The following EMCN variants were observed in gnomAD, a reference collection of about 807,000 sequenced individuals.
The protein encoded by EMCN is endomucin.
EMCN carries 37 observed loss-of-function variants against 38.4 expected under a neutral mutation model. That is an observed-to-expected ratio of 0.96 (90% CI 0.74 to 1.27). The LOEUF is 1.27. Ranked by LOEUF, EMCN falls within the 50% of genes most tolerant of loss-of-function variation. The pLI is 0.00. For missense variants in EMCN, 318 were observed against 302.8 expected (o/e 1.05, Z -0.37); for synonymous variants, 95 against 100.8 (o/e 0.94, Z 0.35).
chr4:100,499,139 T>C (rs1729285666), intron 1 of EMCN, among the ~76,000 whole-genome samples: 1 of 152,194 alleles, frequency 6.6e-6, no homozygotes, highest in Non-Finnish European at 1.5e-5. Context: ...GATTATTCCA[T>C]TTACTAATGT....
At chr4:100,421,398 T>C (rs1726883777) in intron 7 of EMCN, 21 bp from the exon 8 acceptor site, 2 of 1,591,728 alleles carry the variant, frequency 1.3e-6, no homozygotes, top group Non-Finnish European at 1.7e-6. Context: ...TTGGAGACAT[T>C]GTCAATTAGA....
chr4:100,486,034 GTTT>G (rs913147050), intron 1 of EMCN, among the ~76,000 whole-genome samples: 9 of 152,082 alleles, frequency 5.9e-5, no homozygotes. Flanking sequence ...TAACTTAAAA[GTTT>G]TTTTCTGATG....
intron 2 of EMCN, among the ~76,000 whole-genome samples, chr4:100,475,335 A>ACACACACACACACACT (rs1553930950): frequency 6.6e-6 from 1 of 150,548 alleles, no homozygotes; most frequent in African/African-American, 2.4e-5. Flanking sequence ...ACACACACAC[A>ACACACACACACACACT]TTTTTCATAA....
At chr4:100,425,029 G>A (rs1727004779) in intron 5 of EMCN, among the ~76,000 whole-genome samples, 2 of 151,980 alleles carry the variant, frequency 1.3e-5, no homozygotes, top group Non-Finnish European at 2.9e-5. Context: ...CCATGGATAG[G>A]CCAAAATGTT....
At chr4:100,427,729 T>C (rs1392112591) in intron 5 of EMCN, among the ~76,000 whole-genome samples, 1 of 152,136 alleles carries the variant, frequency 6.6e-6, no homozygotes, top group Non-Finnish European at 1.5e-5. Context: ...CCTCAACTTA[T>C]ACTTCCATCC....
chr4:100,463,364 C>T (rs890323605), intron 4 of EMCN, among the ~76,000 whole-genome samples: 20 of 152,218 alleles, frequency 1.3e-4, no homozygotes, highest in Middle Eastern at 6.8e-3. Context: ...TACTAAACTT[C>T]GCACCTTCAA....
chr4:100,418,451 T>C (rs1451460109), intron 8 of EMCN, among the ~76,000 whole-genome samples: 2 of 152,136 alleles, frequency 1.3e-5, no homozygotes, highest in African/African-American at 2.4e-5. Context: ...AGTTTATTAT[T>C]GACTATAGTC....
chr4:100,467,542 C>T (rs1388663869), intron 3 of EMCN, among the ~76,000 whole-genome samples: 10 of 151,650 alleles, frequency 6.6e-5, no homozygotes, highest in African/African-American at 2.2e-4. Flanking sequence ...ATTAGCCGGG[C>T]GTGGTGGTGG....
intron 3 of EMCN, 90 bp downstream of exon 3, chr4:100,474,948 A>T (rs1728593766): frequency 1.8e-6 from 1 of 548,836 alleles, no homozygotes; most frequent in Admixed American, 3.8e-5. Context: ...AATACTAAAA[A>T]CTTCTGAATT....
At chr4:100,427,054 T>C (rs1727067061) in intron 5 of EMCN, among the ~76,000 whole-genome samples, 1 of 152,134 alleles carries the variant, frequency 6.6e-6, no homozygotes, top group Non-Finnish European at 1.5e-5. Context: ...ACGCCTGTAA[T>C]CCCAGCACTT....
At chr4:100,445,346 A>G (rs1454605584) in intron 5 of EMCN, among the ~76,000 whole-genome samples, 1 of 152,118 alleles carries the variant, frequency 6.6e-6, no homozygotes, top group African/African-American at 2.4e-5. Context: ...CTTATTTTTA[A>G]TCTCCCAAAA....
intron 1 of EMCN, among the ~76,000 whole-genome samples, chr4:100,500,276 A>G (rs867211296): frequency 6.6e-6 from 1 of 152,174 alleles, no homozygotes; most frequent in African/African-American, 2.4e-5. Flanking sequence ...AAGACTTTTA[A>G]TAGATTCCCT....
chr4:100,411,678 C>G (rs578174402), intron 10 of EMCN, among the ~76,000 whole-genome samples: 1 of 151,902 alleles, frequency 6.6e-6, no homozygotes, highest in Non-Finnish European at 1.5e-5. Flanking sequence ...TTTTTATTCT[C>G]TATTTTTTTC....
intron 1 of EMCN, among the ~76,000 whole-genome samples, chr4:100,492,590 G>C (rs959179801): frequency 3.3e-5 from 5 of 152,022 alleles, no homozygotes; most frequent in Non-Finnish European, 7.4e-5. Context: ...CCAAATATGA[G>C]TTCACCAAGA....
intron 11 of EMCN, among the ~76,000 whole-genome samples, chr4:100,406,923 A>G (rs955760784): frequency 3.9e-5 from 6 of 152,092 alleles, no homozygotes; most frequent in Admixed American, 1.3e-4. Context: ...TATTGGGTGC[A>G]TATATTTAGG....
At chr4:100,400,359 T>G (rs12500309) in intron 11 of EMCN, among the ~76,000 whole-genome samples, 7 of 147,256 alleles carry the variant, frequency 4.8e-5, no homozygotes, top group African/African-American at 1.7e-4. Context: ...CCACATTTTT[T>G]TTTTTTGTTT....
chr4:100,464,403 A>T (rs1308971056), intron 4 of EMCN, among the ~76,000 whole-genome samples: 1 of 152,088 alleles, frequency 6.6e-6, no homozygotes, highest in East Asian at 1.9e-4. Flanking sequence ...GTTGAATTGT[A>T]CTATCTAAAA....
intron 1 of EMCN, among the ~76,000 whole-genome samples, chr4:100,488,275 A>G (rs1728991731): frequency 6.6e-6 from 1 of 152,226 alleles, no homozygotes; most frequent in Non-Finnish European, 1.5e-5. Context: ...GGAAGCTTGT[A>G]TGTCAGGAGT....
At chr4:100,465,238 G>T (rs1728281976) in intron 4 of EMCN, among the ~76,000 whole-genome samples, 185 bp downstream of exon 4, 1 of 152,054 alleles carries the variant, frequency 6.6e-6, no homozygotes, top group Non-Finnish European at 1.5e-5. Flanking sequence ...ATTCCTTTGT[G>T]GCTGCAGTGG....
Sources: gnomAD v4.1 joint callset for allele counts (sites outside exome capture counted in the v4.1 genomes callset) on GRCh38, gnomAD v4.1.1 for gene constraint, MANE v1.5 for transcripts, NCBI Gene and HGNC (gene_info 2026-07-23, HGNC 2026-07-21) for gene names.